PHF20: variants seen among roughly 807,000 people sequenced by gnomAD.
PHF20 encodes glioma-expressed antigen 2.
Under a neutral mutation model 113.5 loss-of-function variants are expected in PHF20, and 23 were observed. The observed-to-expected ratio is 0.20, with a 90% CI of 0.15 to 0.29. PHF20 has a LOEUF of 0.29. Ranked by LOEUF, PHF20 falls within the 10% of genes least tolerant of loss-of-function variation. PHF20 has a pLI of 1.00. For synonymous variants in PHF20, 434 were observed against 457.3 expected, an observed-to-expected ratio of 0.95 and a Z score of 0.65; for missense variants, 943 against 1,219.6, an observed-to-expected ratio of 0.77 and a Z score of 3.38.
At chr20:35,895,092 T>C (rs1239687971) in intron 9 of PHF20, among the ~76,000 whole-genome samples, 1 of 152,120 alleles carries the variant, frequency 6.6e-6, no homozygotes, top group Non-Finnish European at 1.5e-5. Flanking sequence ...GGCGTGATCT[T>C]GACCCACTGC....
At chr20:35,895,999 T>C (rs2054974993) in intron 9 of PHF20, among the ~76,000 whole-genome samples, 1 of 152,118 alleles carries the variant, frequency 6.6e-6, no homozygotes, top group Non-Finnish European at 1.5e-5. Flanking sequence ...CTTTTTCTTC[T>C]CTTACCTGCA....
intron 13 of PHF20, among the ~76,000 whole-genome samples, chr20:35,926,121 CA>C (rs527440244): frequency 0.075 from 5,458 of 72,380 alleles, 109 homozygotes; most frequent in African/African-American, 0.14. Flanking sequence ...GACTCCATCT[CA>C]AAAAAAAAAA....
chr20:35,810,416 C>A (rs1429454436), intron 2 of PHF20, among the ~76,000 whole-genome samples: 2 of 152,090 alleles, frequency 1.3e-5, no homozygotes, highest in Non-Finnish European at 2.9e-5. Context: ...TTGAGTGACG[C>A]CTTTGTTTTA....
intron 2 of PHF20, among the ~76,000 whole-genome samples, chr20:35,827,894 A>G (rs1313902687): frequency 6.6e-6 from 1 of 152,036 alleles, no homozygotes. Context: ...CTCCATTTCC[A>G]TGAATGTAAA....
intron 10 of PHF20, among the ~76,000 whole-genome samples, chr20:35,903,077 C>CTT (rs376888832): frequency 0.078 from 4,702 of 59,912 alleles, 199 homozygotes; most frequent in South Asian, 0.11. Context: ...CCTATCCTTT[C>CTT]TTTTTTTTTT....
At chr20:35,790,563 T>C (rs192887773) in intron 1 of PHF20, among the ~76,000 whole-genome samples, 12 of 152,284 alleles carry the variant, frequency 7.9e-5, no homozygotes, top group Non-Finnish European at 1.6e-4. Context: ...GCTGGTGATA[T>C]CCTCATTTTA....
chr20:35,898,333 TCCCTATTTCC>T (rs2055029376), intron 9 of PHF20, among the ~76,000 whole-genome samples: 1 of 152,262 alleles, frequency 6.6e-6, no homozygotes, highest in Non-Finnish European at 1.5e-5. Context: ...TGAGGAATGT[TCCCTATTTCC>T]GTCCACACAG....
intron 1 of PHF20, among the ~76,000 whole-genome samples, chr20:35,798,019 A>G (rs1448424519): frequency 6.6e-6 from 1 of 152,192 alleles, no homozygotes; most frequent in African/African-American, 2.4e-5. Context: ...TACACTTGTG[A>G]AAAATTTTCA....
At chr20:35,918,808 G>T (rs943652733) in intron 13 of PHF20, among the ~76,000 whole-genome samples, 21 of 152,184 alleles carry the variant, frequency 1.4e-4, no homozygotes, top group African/African-American at 5.1e-4. Flanking sequence ...CAAAAAGACT[G>T]CCTGGGGCCC....
chr20:35,852,253 G>A (rs1020480011), intron 4 of PHF20, among the ~76,000 whole-genome samples: 1 of 152,136 alleles, frequency 6.6e-6, no homozygotes, highest in Admixed American at 6.6e-5. Flanking sequence ...AAGAGGGCAG[G>A]TGTTGTCAAT....
chr20:35,861,461 A>G (rs934528765), intron 5 of PHF20, among the ~76,000 whole-genome samples: 49 of 152,188 alleles, frequency 3.2e-4, no homozygotes, highest in Admixed American at 5.9e-4. Context: ...TCTTTTAACT[A>G]ACATTTCCCC....
rs1232615882 is a variant in PHF20, at chr20:35,863,153, A to G, written c.561A>G (p.Thr187=). The change falls in exon 6 of 18, where the codon ACA becomes ACG. Residue 187 remains threonine, a synonymous_variant. Coordinates refer to ENST00000374012, the MANE Select transcript of PHF20 (RefSeq NM_016436.5). ...ACAAAGAAGATAAACCCTTAAAGACAGAAAAGCGACCCAAGCAGCCTGATA... is the reference window on the plus strand; with the variant it reads ...ACAAAGAAGATAAACCCTTAAAGACGGAAAAGCGACCCAAGCAGCCTGATA... ...KKDKEDKPLK[T]EKRPKQPDKE... is the part of the protein sequence containing the mutation. The G allele has an allele frequency of 6.8e-6, 11 of 1,613,966 alleles. No individual in the cohort carries two copies. The highest frequency in any genetic ancestry group is 9.3e-6 in the Non-Finnish European group (11 of 1,180,004).
At chr20:35,890,364 T>C (rs2054826937) in intron 9 of PHF20, among the ~76,000 whole-genome samples, 1 of 152,228 alleles carries the variant, frequency 6.6e-6, no homozygotes, top group African/African-American at 2.4e-5. Flanking sequence ...GCTGAATGCA[T>C]AATTTTAATG....
chr20:35,885,446 A>T (rs1331708371), intron 9 of PHF20, among the ~76,000 whole-genome samples: 1 of 82,994 alleles, frequency 1.2e-5, no homozygotes, highest in East Asian at 3.7e-4. Flanking sequence ...TTTTTACTGG[A>T]GTGGGGGACA....
Position 35,914,187 on chromosome 20 carries a change from G to T in PHF20, c.1815G>T (p.Val605=). 1.9e-6 allele frequency: 3 copies of T among 1,614,126 alleles called. No homozygotes were observed. Among genetic ancestry groups the T allele is most frequent in the Non-Finnish European group, 2.5e-6 (3 of 1,180,010 alleles). ...GPESGHHKGK[V]KALEEDNLSE... is the part of the protein sequence containing the mutation. ...AATCTGGACACCACAAAGGGAAAGT[G>T]AAAGCATTGGGTAAGGAGGCTCTTC... The change falls in exon 12 of 18, where the codon GTG becomes GTT. Residue 605 remains valine, a synonymous_variant. Transcript: ENST00000374012.
chr20:35,811,682 C>T (rs955771197), intron 2 of PHF20, among the ~76,000 whole-genome samples: 2 of 151,942 alleles, frequency 1.3e-5, no homozygotes, highest in South Asian at 2.1e-4. Flanking sequence ...TCAGGTGATC[C>T]ACCTGCCTTG....
At chr20:35,872,746 G>A (rs1303519821) in intron 9 of PHF20, among the ~76,000 whole-genome samples, 1 of 152,102 alleles carries the variant, frequency 6.6e-6, no homozygotes, top group East Asian at 1.9e-4. Context: ...TTTTACTGTG[G>A]TCAGAGAACA....
At position 35,938,812 on chromosome 20, in the gene PHF20, G is replaced by A. The variant is rs1372184568; in HGVS notation, c.2416G>A (p.Ala806Thr). The A allele has an allele frequency of 1.2e-6, 2 of 1,614,182 alleles. No homozygotes were observed. The highest frequency in any genetic ancestry group is 2.2e-5 in the South Asian group (2 of 91,074). Residue 806 changes from alanine to threonine, a missense_variant, in exon 16 of 18, where the codon GCT becomes ACT. Physicochemically the swap from Ala to Thr is moderately conservative, Grantham distance 58. Transcript: ENST00000374012. ...PVTDTRSKEE[A>T]PSYRTLNGAV... ...CACTGACACCAGGAGCAAGGAGGAA[G>A]CTCCAAGCTATAGAACTTTGAACGG...
At chr20:35,861,690 C>T (rs1443446947) in intron 5 of PHF20, among the ~76,000 whole-genome samples, 1 of 152,026 alleles carries the variant, frequency 6.6e-6, no homozygotes, top group African/African-American at 2.4e-5. Context: ...TTGCCATCTC[C>T]TCCCTGAACT....
Sources: allele counts gnomAD v4.1 joint callset (sites outside exome capture counted in the v4.1 genomes callset), GRCh38; gene constraint gnomAD v4.1.1; transcripts MANE v1.5; gene names NCBI Gene and HGNC (gene_info 2026-07-23, HGNC 2026-07-21).